Variants in HS6ST2 observed in about 807,000 individuals in gnomAD.
HS6ST2 encodes the protein heparan-sulfate 6-O-sulfotransferase 2.
A neutral mutation model predicts 33.0 loss-of-function variants in HS6ST2; 17 were observed. The ratio of observed to expected loss-of-function variants is 0.52; its 90% CI spans 0.35 to 0.77. The LOEUF is 0.77. Ranked by LOEUF, HS6ST2 falls within the 30% of genes least tolerant of loss-of-function variation. The probability of loss-of-function intolerance (pLI) is 0.01; values close to 1 mark genes in which losing one functional copy is unlikely to be tolerated. For missense variants in HS6ST2, 519 were observed against 551.7 expected, an observed-to-expected ratio of 0.94 and a Z score of 0.59; for synonymous variants, 248 against 237.1, an observed-to-expected ratio of 1.05 and a Z score of -0.42.
chrX:132,813,981 G>T (rs958451550), intron 2 of HS6ST2, among the ~76,000 whole-genome samples: 7 of 111,563 alleles, frequency 6.3e-5, no homozygotes, highest in Middle Eastern at 4.2e-3. Context: ...GTCTCGCTCT[G>T]TCGCCCAGGC....
At chrX:132,960,550 G>T (rs1439009750), upstream of HS6ST2, among the ~76,000 whole-genome samples, 4 of 90,175 alleles carry the variant, frequency 4.4e-5, no homozygotes, top group Admixed American at 1.1e-4. Flanking sequence ...TGGAGGGAAG[G>T]GGGAGGTGGT....
At chrX:132,764,204 C>T (rs1221022873) in intron 2 of HS6ST2, among the ~76,000 whole-genome samples, 1 of 112,144 alleles carries the variant, frequency 8.9e-6, no homozygotes, top group Non-Finnish European at 1.9e-5. Flanking sequence ...GATCTTTCAA[C>T]CTAGTTTGCT....
At chrX:132,648,980 G>A (rs922801774) in intron 4 of HS6ST2, among the ~76,000 whole-genome samples, 1 of 112,222 alleles carries the variant, frequency 8.9e-6, no homozygotes, top group African/African-American at 3.2e-5. Context: ...CAATGAAAAT[G>A]TTAGCCTCGG....
chrX:132,895,264 T>A (rs5977777), intron 2 of HS6ST2, among the ~76,000 whole-genome samples: 12,818 of 111,158 alleles, frequency 0.12, 1,752 homozygotes, highest in African/African-American at 0.39. Context: ...ACAGAAAAAA[T>A]TCTTATTTTA....
At position 132,628,916 on chromosome X, in the gene HS6ST2, G is replaced by C. The variant is rs1315590297; in HGVS notation, c.1245C>G (p.Leu415=). Residue 415 remains leucine, a synonymous_variant, in exon 5 of 5, where the codon CTC becomes CTG. Transcript: ENST00000370833. ...TGTAGGGACAGTCCATAAACTCTTT[G>C]AGGGGGCAGCCAGACCAGTCATCGC... ...YTGDDWSGCP[L]KEFMDCPYNL... 1 of 1,211,529 alleles carries C rather than the reference G, an allele frequency of 8.3e-7. No homozygotes were observed. Among genetic ancestry groups the C allele is most frequent in the African/African-American group, 1.7e-5 (1 of 57,792 alleles).
intron 2 of HS6ST2, among the ~76,000 whole-genome samples, chrX:132,881,707 T>A (rs1458853234): frequency 9.0e-6 from 1 of 111,674 alleles, no homozygotes; most frequent in East Asian, 2.8e-4. Context: ...CCCATGCTTA[T>A]GTCCTGAATG....
chrX:132,754,825 T>C lies in HS6ST2; in HGVS notation c.948-46331A>G, dbSNP rs770363428. On this transcript the variant is annotated intron_variant, in intron 2 of 4. Transcript: ENST00000370833. ...CTCCCAGGCCCAAGTGATCCTCCCA[T>C]GTCAGCCTCAAGAGTAGCTGGGACT... Among the ~76,000 whole-genome samples, 193 of 110,203 alleles carry C rather than the reference T, an allele frequency of 1.8e-3. 2 individuals are homozygous for C. The highest frequency in any genetic ancestry group is 6.2e-3 in the African/African-American group (187 of 30,255).
chrX:132,952,783 C>T (rs1391271191), intron 2 of HS6ST2, among the ~76,000 whole-genome samples: 2 of 111,124 alleles, frequency 1.8e-5, no homozygotes, highest in Non-Finnish European at 3.8e-5. Context: ...TGCAGGGATT[C>T]CCAATATGGC....
intron 2 of HS6ST2, among the ~76,000 whole-genome samples, chrX:132,876,508 A>C (rs981380057): frequency 9.0e-6 from 1 of 111,478 alleles, no homozygotes; most frequent in Non-Finnish European, 1.9e-5. Flanking sequence ...TGCAAGTTTT[A>C]GTTTTGAGGC....
At chrX:132,919,153 G>A (rs2066624871) in intron 2 of HS6ST2, among the ~76,000 whole-genome samples, 1 of 112,206 alleles carries the variant, frequency 8.9e-6, no homozygotes, top group Non-Finnish European at 1.9e-5. Flanking sequence ...AGACTAGACC[G>A]CTGCAGGACT....
Position 132,627,066 on chromosome X carries a change from T to C in HS6ST2, c.*1157A>G, listed in dbSNP as rs187614783. 3.3e-3 allele frequency: 369 copies of C among 112,395 alleles called. 1 individual carries two copies. The highest frequency in any genetic ancestry group is 0.011 in the African/African-American group (355 of 30,911). The allele number at this position is 112,395 out of a possible 1,213,427, so 9.3% of individuals were successfully genotyped here. ...GCTTTTGTAATTGTCTACAAATCTG[T>C]CAACATGAAAAAGAACTAAAGGGCT... On this transcript the variant is annotated 3_prime_UTR_variant, in exon 5 of 5. Coordinates refer to ENST00000370833, the MANE Select transcript of HS6ST2 (RefSeq NM_001394073.1).
intron 2 of HS6ST2, among the ~76,000 whole-genome samples, chrX:132,806,672 A>G (rs1203398727): frequency 9.1e-6 from 1 of 110,171 alleles, no homozygotes; most frequent in Non-Finnish European, 1.9e-5. Flanking sequence ...TTATTTATGG[A>G]CACTGAAATT....
intron 4 of HS6ST2, among the ~76,000 whole-genome samples, chrX:132,656,798 G>A (rs935121586): frequency 1.8e-5 from 2 of 111,838 alleles, no homozygotes; most frequent in African/African-American, 6.5e-5. Context: ...TAGAGTGAGG[G>A]CCTGGAGCCC....
chrX:132,791,060 T>C (rs984102281), intron 2 of HS6ST2, among the ~76,000 whole-genome samples: 2 of 110,443 alleles, frequency 1.8e-5, no homozygotes, highest in Non-Finnish European at 3.8e-5. Context: ...GGCAGGAGGA[T>C]TGCTTGAGCC....
rs191960779 is a variant in HS6ST2, at chrX:132,876,779, T to C, written c.947+80029A>G. On this transcript the variant is annotated intron_variant, in intron 2 of 4. Transcript: ENST00000370833. ...CTTGATGTTAACCCTTGGTTTACCTTGGCAAAGAAAAATCACACTCCTTTG... is the reference window on the plus strand; with the variant it reads ...CTTGATGTTAACCCTTGGTTTACCTCGGCAAAGAAAAATCACACTCCTTTG... Among the ~76,000 whole-genome samples, 322 of 111,596 alleles carry C rather than the reference T, an allele frequency of 2.9e-3. 2 individuals are homozygous for C. The highest frequency in any genetic ancestry group is 0.017 in the Admixed American group (177 of 10,469).
chrX:132,657,973 C>A (rs1436822259), intron 4 of HS6ST2, among the ~76,000 whole-genome samples: 1 of 108,876 alleles, frequency 9.2e-6, no homozygotes, highest in Admixed American at 9.8e-5. Context: ...CTCATTAAAG[C>A]CCGTGGAGCA....
chrX:132,807,931 A>G (rs1435611323), intron 2 of HS6ST2, among the ~76,000 whole-genome samples: 1 of 111,654 alleles, frequency 9.0e-6, no homozygotes, highest in Non-Finnish European at 1.9e-5. Context: ...GCCCAAAGGA[A>G]AGCCTCCTGA....
intron 4 of HS6ST2, among the ~76,000 whole-genome samples, chrX:132,653,101 G>A (rs1200650052): frequency 1.8e-5 from 2 of 111,744 alleles, no homozygotes; most frequent in Non-Finnish European, 3.8e-5. Flanking sequence ...TCTTTAAGAT[G>A]AGGATCATTA....
chrX:132,946,716 T>G (rs1030415464), intron 2 of HS6ST2, among the ~76,000 whole-genome samples: 2 of 111,854 alleles, frequency 1.8e-5, no homozygotes, highest in Non-Finnish European at 3.8e-5. Context: ...TGTATACATA[T>G]GTAATAAACC....
Sources: allele counts gnomAD v4.1 joint callset (sites outside exome capture counted in the v4.1 genomes callset), GRCh38; gene constraint gnomAD v4.1.1; transcripts MANE v1.5; gene names NCBI Gene and HGNC (gene_info 2026-07-23, HGNC 2026-07-21).